Variants in PCDHA5 observed in about 807,000 individuals in gnomAD.
The protein encoded by PCDHA5 is protocadherin alpha 5.
PCDHA5 carries 43 observed loss-of-function variants against 61.6 expected under a neutral mutation model. The ratio of observed to expected loss-of-function variants is 0.70; its 90% confidence interval spans 0.55 to 0.90. PCDHA5 has a LOEUF of 0.90. Ranked by LOEUF, PCDHA5 falls within the 40% of genes least tolerant of loss-of-function variation. The pLI, the probability that PCDHA5 is intolerant of heterozygous loss-of-function variation, is 0.00. For missense variants in PCDHA5, 1,298 were observed against 1,222.7 expected (o/e 1.06, Z -0.92); for synonymous variants, 627 against 543.9 (o/e 1.15, Z -2.13).
chr5:140,927,306 G>T (rs782091835), intron 1 of PCDHA5: 10 of 1,614,040 alleles, frequency 6.2e-6, no homozygotes, highest in Non-Finnish European at 5.9e-6. Context: ...AGTTCCTGAC[G>T]CCCGGAGCCC....
intron 3 of PCDHA5, among the ~76,000 whole-genome samples, chr5:140,984,425 A>G (rs1488284803): frequency 6.6e-6 from 1 of 152,174 alleles, no homozygotes; most frequent in Non-Finnish European, 1.5e-5. Context: ...GAGATAGAGA[A>G]GGGGATCTCC....
At chr5:140,834,853 C>T in intron 1 of PCDHA5, 1 of 1,610,524 alleles carries the variant, frequency 6.2e-7, no homozygotes, top group Non-Finnish European at 8.5e-7. Flanking sequence ...CTAGAGGGCG[C>T]GTCCGATGCA....
chr5:140,970,774 A>G (rs1554232727), intron 1 of PCDHA5, among the ~76,000 whole-genome samples: 2 of 152,218 alleles, frequency 1.3e-5, no homozygotes, highest in Admixed American at 1.3e-4. Context: ...TGCTGTACAT[A>G]CATATTGTAT....
intron 1 of PCDHA5, chr5:140,859,371 T>A: frequency 3.8e-6 from 1 of 264,536 alleles, no homozygotes; most frequent in Non-Finnish European, 6.9e-6. Flanking sequence ...TTGTATAGTT[T>A]AATAGCTTCT....
At position 140,845,330 on chromosome 5, in the gene PCDHA5, G is replaced by C. The variant is rs2150378470; in HGVS notation, c.2352+21203G>C. ...GTTCTCAGGTATTACTTTAATTACTGAATTCTCCTAAACATTTAATTGACT... is the reference window on the plus strand; with the variant it reads ...GTTCTCAGGTATTACTTTAATTACTCAATTCTCCTAAACATTTAATTGACT... On this transcript the variant is annotated intron_variant, in intron 1 of 3. Coordinates refer to ENST00000529859, the MANE Select transcript of PCDHA5 (RefSeq NM_018908.3). Among the ~76,000 whole-genome samples the C allele has an allele frequency of 1.2e-4, 18 of 149,276 alleles. 2 individuals carry two copies. Among genetic ancestry groups the C allele is most frequent in the Non-Finnish European group, 2.2e-4 (15 of 66,728 alleles).
intron 1 of PCDHA5, among the ~76,000 whole-genome samples, chr5:140,916,543 G>A (rs1554197499): frequency 6.6e-6 from 1 of 152,152 alleles, no homozygotes; most frequent in Non-Finnish European, 1.5e-5. Context: ...AAGGCAATGG[G>A]TTTTCTATTT....
chr5:140,967,391 C>T, intron 1 of PCDHA5: 1 of 1,609,676 alleles, frequency 6.2e-7, no homozygotes, highest in South Asian at 1.1e-5. Flanking sequence ...AGTGCTTGAG[C>T]TGGTGCTGCG....
intron 1 of PCDHA5, among the ~76,000 whole-genome samples, chr5:140,874,847 A>AT (rs1459176801): frequency 6.6e-6 from 1 of 152,242 alleles, no homozygotes; most frequent in Non-Finnish European, 1.5e-5. Context: ...TATTAGACAT[A>AT]TTTTAGTTTC....
In PCDHA5 at chr5:141,011,225, A is replaced by G. The variant is rs962544716; in HGVS notation, c.*1288A>G. ...ATACAGTGAGCAGATTTTTCAATCT[A>G]CTAATTCTGTGACTTGTCTTGGTGT... On this transcript the variant is annotated 3_prime_UTR_variant, in exon 4 of 4. Transcript: ENST00000529859. 6.5e-6 allele frequency: 1 copy of G among 153,740 alleles called. No homozygotes were observed. Among genetic ancestry groups the G allele is most frequent in the South Asian group, 2.1e-4 (1 of 4,826 alleles). The allele number at this position is 153,740 out of a possible 1,614,324, so 9.5% of individuals were successfully genotyped here.
At chr5:140,927,059 G>T (rs2153586396) in intron 1 of PCDHA5, 1 of 1,611,324 alleles carries the variant, frequency 6.2e-7, no homozygotes, top group Middle Eastern at 1.7e-4. Flanking sequence ...CGGAACTTTC[G>T]CTTCCTTTCC....
In PCDHA5 at chr5:140,829,909, G is replaced by C. The variant is rs1299883375; in HGVS notation, c.2352+5782G>C. On this transcript the variant is annotated intron_variant, in intron 1 of 3. Transcript: ENST00000529859. ...ACGCCGACTCAGGCTACAACGCGTG[G>C]CTTTCGTATGAGCTGCAGCCCCCGG... 1.9e-6 allele frequency: 3 copies of C among 1,613,992 alleles called. No homozygotes were observed. Among genetic ancestry groups the C allele is most frequent in the Non-Finnish European group, 2.5e-6 (3 of 1,179,904 alleles).
intron 1 of PCDHA5, chr5:140,863,299 G>T (rs868935823): frequency 1.4e-6 from 2 of 1,462,780 alleles, no homozygotes; most frequent in Non-Finnish European, 9.3e-7. Flanking sequence ...CCTGATCATC[G>T]CCATCTGCGT....
chr5:140,887,523 A>G (rs2061479096), intron 1 of PCDHA5, among the ~76,000 whole-genome samples: 1 of 152,078 alleles, frequency 6.6e-6, no homozygotes, highest in Non-Finnish European at 1.5e-5. Flanking sequence ...TTTATATATG[A>G]GTCTTCCTCT....
At chr5:140,985,832 C>T (rs760290757) in intron 3 of PCDHA5, among the ~76,000 whole-genome samples, 4 of 151,378 alleles carry the variant, frequency 2.6e-5, no homozygotes, top group African/African-American at 4.9e-5. Flanking sequence ...CTCTGCCTCC[C>T]GGGTTCATGC....
At chr5:140,861,430 A>C in intron 1 of PCDHA5, 1 of 488,226 alleles carries the variant, frequency 2.0e-6, no homozygotes, top group Admixed American at 2.1e-5. Context: ...TTTCAGTTGG[A>C]TTCCAAAAGC....
chr5:140,967,234 G>A (rs781912172), intron 1 of PCDHA5: 3 of 1,613,746 alleles, frequency 1.9e-6, no homozygotes, highest in South Asian at 1.1e-5. Context: ...ACCAGCTTCA[G>A]GTAAGCGAAT....
chr5:140,890,294 G>A (rs1554184246), intron 1 of PCDHA5, among the ~76,000 whole-genome samples: 1 of 152,132 alleles, frequency 6.6e-6, no homozygotes, highest in Non-Finnish European at 1.5e-5. Flanking sequence ...GTCAGAACCA[G>A]GAGAGGTAAT....
intron 1 of PCDHA5, among the ~76,000 whole-genome samples, chr5:140,895,873 G>A (rs112324080): frequency 0.13 from 19,058 of 152,088 alleles, 1,272 homozygotes; most frequent in Middle Eastern, 0.19. Context: ...GTGCAATGGC[G>A]CGATCTCGGC....
intron 1 of PCDHA5, chr5:140,841,926 G>C (rs1490008187): frequency 6.2e-7 from 1 of 1,613,806 alleles, no homozygotes; most frequent in African/African-American, 1.3e-5. Context: ...TCCTTGGACA[G>C]AGAGGACGCT....
Sources: allele counts gnomAD v4.1 joint callset (sites outside exome capture counted in the v4.1 genomes callset), GRCh38; gene constraint gnomAD v4.1.1; transcripts MANE v1.5; gene names NCBI Gene and HGNC (gene_info 2026-07-23, HGNC 2026-07-21).